Variants in CERS3 observed in about 807,000 individuals in gnomAD.
The protein encoded by CERS3 is ceramide synthase 3.
In CERS3, 33 loss-of-function variants were observed where a neutral mutation model predicts 50.3. That is an observed-to-expected ratio of 0.66 (90% confidence interval 0.50 to 0.88). The LOEUF (loss-of-function observed/expected upper bound fraction) is 0.88. Among genes scored for constraint, CERS3 ranks in the 40% least tolerant of loss-of-function variants. The pLI, the probability that CERS3 is intolerant of heterozygous loss-of-function variation, is 0.00. For synonymous variants in CERS3, 176 were observed against 155.2 expected, an observed-to-expected ratio of 1.13 and a Z score of -0.99; for missense variants, 470 against 460.3, an observed-to-expected ratio of 1.02 and a Z score of -0.19.
In CERS3 at chr15:100,501,891, A is replaced by G. The variant is rs73473861; in HGVS notation, c.-1-41T>C. 2,511 of 1,595,922 alleles carry G rather than the reference A, an allele frequency of 1.6e-3. 40 individuals are homozygous for G. The African/African-American group carries it at 0.03, about 19-fold the overall frequency. On this transcript the variant is annotated intron_variant, in intron 2 of 11. Coordinates refer to ENST00000679737, the MANE Select transcript of CERS3 (RefSeq NM_001378789.1). ...CAGACATTAGGCTTGTAAAACAAAC[A>G]CGTAACTTTAGGATAACATTGATCA...
At chr15:100,405,240 A>C (rs1252142467) in intron 11 of CERS3, among the ~76,000 whole-genome samples, 1 of 70,894 alleles carries the variant, frequency 1.4e-5, no homozygotes, top group Non-Finnish European at 3.7e-5. Flanking sequence ...TGGTAAAAAA[A>C]AAAAAAAACA....
intron 11 of CERS3, among the ~76,000 whole-genome samples, chr15:100,434,441 G>A (rs970260279): frequency 2.0e-5 from 3 of 152,150 alleles, no homozygotes; most frequent in Non-Finnish European, 4.4e-5. Flanking sequence ...AATCACTCAG[G>A]TGCTAAAGCC....
chr15:100,533,760 C>A (rs62037088), upstream of CERS3, among the ~76,000 whole-genome samples: 9 of 151,786 alleles, frequency 5.9e-5, no homozygotes, highest in East Asian at 2.0e-4. Context: ...GGGTTTCACC[C>A]TGTTAGCCAG....
chr15:100,497,565 A>G (rs2035858524), intron 3 of CERS3, among the ~76,000 whole-genome samples: 1 of 139,794 alleles, frequency 7.2e-6, no homozygotes. Flanking sequence ...TGAAGAAATT[A>G]GGAGGGGAAA....
intron 2 of CERS3, among the ~76,000 whole-genome samples, chr15:100,517,920 G>C (rs878695): frequency 6.0e-4 from 91 of 152,310 alleles, no homozygotes; most frequent in Non-Finnish European, 1.0e-3. Context: ...AAAAGTTAGA[G>C]CAATATCTCT....
chr15:100,424,649 T>C (rs1036570328), intron 11 of CERS3, among the ~76,000 whole-genome samples: 1 of 152,208 alleles, frequency 6.6e-6, no homozygotes, highest in Admixed American at 6.5e-5. Context: ...GTAGAAGAAA[T>C]TTTTAAGCAG....
At chr15:100,467,592 A>G (rs1038323057) in intron 10 of CERS3, among the ~76,000 whole-genome samples, 11 of 151,936 alleles carry the variant, frequency 7.2e-5, no homozygotes, top group African/African-American at 2.4e-4. Flanking sequence ...ATGCTGTGTT[A>G]TACAGCAACA....
intron 10 of CERS3, among the ~76,000 whole-genome samples, chr15:100,465,100 G>T (rs2034670526): frequency 6.6e-6 from 1 of 152,090 alleles, no homozygotes; most frequent in Non-Finnish European, 1.5e-5. Context: ...CACAACCCCA[G>T]TTAGCTTTCG....
intron 5 of CERS3, among the ~76,000 whole-genome samples, chr15:100,483,787 A>ATTTTTTTTTTTTTTTTTTT (rs10622678): frequency 1.0e-5 from 1 of 100,040 alleles, no homozygotes; most frequent in Non-Finnish European, 1.9e-5. Context: ...TATTATTATT[A>ATTTTTTTTTTTTTTTTTTT]TTTTTTTTTT....
intron 8 of CERS3, 73 bp downstream of exon 8, chr15:100,476,013 A>G (rs898028038): frequency 8.5e-6 from 8 of 943,410 alleles, no homozygotes; most frequent in Non-Finnish European, 1.3e-5. Context: ...CAACTTAAAG[A>G]TTAGAATTTG....
chr15:100,537,693 G>T (rs8030673), intron 1 of CERS3, among the ~76,000 whole-genome samples: 75,741 of 151,988 alleles, frequency 0.5, 19,267 homozygotes, highest in South Asian at 0.6. Context: ...GACATGTGAG[G>T]ATTATGGAAA....
intron 2 of CERS3, 69 bp downstream of exon 2, chr15:100,521,598 G>A (rs1329819697): frequency 6.6e-6 from 1 of 152,096 alleles, no homozygotes; most frequent in Non-Finnish European, 1.5e-5. Flanking sequence ...AGTCACAGAT[G>A]TTAATTTCCC....
intron 1 of CERS3, among the ~76,000 whole-genome samples, chr15:100,522,729 T>C (rs1424180686): frequency 7.0e-6 from 1 of 141,908 alleles, no homozygotes; most frequent in Non-Finnish European, 1.6e-5. Context: ...GATGGAAATA[T>C]GGGTTGTTTT....
intron 10 of CERS3, among the ~76,000 whole-genome samples, chr15:100,466,392 G>T (rs2034717086): frequency 6.6e-6 from 1 of 152,200 alleles, no homozygotes; most frequent in African/African-American, 2.4e-5. Context: ...CATGGTGTGT[G>T]CTTTTTAAAA....
At chr15:100,504,600 T>G (rs1177024585) in intron 2 of CERS3, among the ~76,000 whole-genome samples, 5 of 152,286 alleles carry the variant, frequency 3.3e-5, no homozygotes, top group Non-Finnish European at 5.9e-5. Flanking sequence ...GAATCCTATT[T>G]ATACCATTGC....
intron 11 of CERS3, among the ~76,000 whole-genome samples, chr15:100,440,950 G>A (rs148651130): frequency 1.2e-3 from 189 of 152,304 alleles, no homozygotes; most frequent in African/African-American, 4.2e-3. Flanking sequence ...ACTAGGGAAG[G>A]CAGCCTTCCC....
At position 100,487,551 on chromosome 15, in the gene CERS3, C is replaced by T. The variant is rs74041466; in HGVS notation, c.289-2883G>A. Among the ~76,000 whole-genome samples, 850 of 152,284 alleles carry T rather than the reference C, an allele frequency of 5.6e-3. 6 individuals carry two copies. The highest frequency in any genetic ancestry group is 0.019 in the African/African-American group (808 of 41,548). On this transcript the variant is annotated intron_variant, in intron 4 of 11. Coordinates refer to ENST00000679737, the MANE Select transcript of CERS3 (RefSeq NM_001378789.1). Reference sequence around the variant, plus strand: ...ATTTGTATTTTTAGCCTCTACACTACCTATTGCTGTGAACATTCAGAAGTG... The same window carrying T: ...ATTTGTATTTTTAGCCTCTACACTATCTATTGCTGTGAACATTCAGAAGTG...
chr15:100,419,421 G>C (rs1196948868), intron 11 of CERS3, among the ~76,000 whole-genome samples: 2 of 133,340 alleles, frequency 1.5e-5, no homozygotes, highest in Non-Finnish European at 3.2e-5. Context: ...GGAGCACCCA[G>C]ATTCATAAAG....
intron 10 of CERS3, among the ~76,000 whole-genome samples, chr15:100,468,735 G>A (rs548557354): frequency 6.6e-6 from 1 of 152,266 alleles, no homozygotes; most frequent in African/African-American, 2.4e-5. Context: ...GCTTCCCAAG[G>A]AAATGATTGT....
Sources: gnomAD v4.1 joint callset for allele counts (sites outside exome capture counted in the v4.1 genomes callset) on GRCh38, gnomAD v4.1.1 for gene constraint, MANE v1.5 for transcripts, NCBI Gene and HGNC (gene_info 2026-07-23, HGNC 2026-07-21) for gene names.